Variants in TMED8 observed in about 807,000 individuals in gnomAD.
TMED8 encodes transmembrane p24 trafficking protein family member 8, also known as protein TMED8.
TMED8 carries 15 observed loss-of-function variants against 32.7 expected under a neutral mutation model. That is an observed-to-expected ratio of 0.46 (90% CI 0.31 to 0.71). The LOEUF is 0.71. Among genes scored for constraint, TMED8 ranks in the 30% least tolerant of loss-of-function variants. The pLI is 0.06. For synonymous variants in TMED8, 147 were observed against 161.4 expected (o/e 0.91, Z 0.68); for missense variants, 390 against 423.9 (o/e 0.92, Z 0.70).
rs935231616 is a variant in TMED8 at position 77,335,438 on chromosome 14, G to C, written c.*6333C>G. 1.3e-5 allele frequency: 2 copies of C among 152,212 alleles called. No individual in the cohort carries two copies. The highest frequency in any genetic ancestry group is 4.8e-5 in the African/African-American group (2 of 41,446). 9.4% of individuals were successfully genotyped at this position (152,212 alleles called of 1,614,324 possible). On this transcript the variant is annotated 3_prime_UTR_variant, in exon 6 of 6. Transcript: ENST00000216468. ...GACCCTTTTTGTAATGTCAGCAACA[G>C]TACATGATATAGAACAGTAAGAAAA...
intron 1 of TMED8, among the ~76,000 whole-genome samples, chr14:77,368,640 G>A (rs1893608335): frequency 6.6e-6 from 1 of 152,012 alleles, no homozygotes; most frequent in Non-Finnish European, 1.5e-5. Context: ...ACCACACCCA[G>A]CTAATTTTTG....
intron 3 of TMED8, among the ~76,000 whole-genome samples, chr14:77,346,097 C>T (rs1893024778): frequency 6.6e-6 from 1 of 151,676 alleles, no homozygotes; most frequent in Non-Finnish European, 1.5e-5. Flanking sequence ...TTTTAGAGAA[C>T]ACATGAACAT....
At chr14:77,350,113 C>T (rs893478818) in intron 2 of TMED8, among the ~76,000 whole-genome samples, 3 of 152,134 alleles carry the variant, frequency 2.0e-5, no homozygotes, top group African/African-American at 7.2e-5. Context: ...CTGTCCTTTT[C>T]TGTGTGGGGG....
chr14:77,361,820 G>GTC (rs1394541743), intron 1 of TMED8, among the ~76,000 whole-genome samples: 1 of 152,008 alleles, frequency 6.6e-6, no homozygotes, highest in East Asian at 1.9e-4. Context: ...TTGAGACAGG[G>GTC]TCTCTGTAAG....
chr14:77,376,086 T>C lies in TMED8; in HGVS notation c.118+850A>G, dbSNP rs1893808173. Among the ~76,000 whole-genome samples, 1 of 152,222 alleles carries C rather than the reference T, an allele frequency of 6.6e-6. No individual in the cohort carries two copies. Among genetic ancestry groups the C allele is most frequent in the African/African-American group, 2.4e-5 (1 of 41,456 alleles). On this transcript the variant is annotated intron_variant, in intron 1 of 5. Coordinates refer to ENST00000216468, the MANE Select transcript of TMED8 (RefSeq NM_213601.3). The surrounding 1 kb of genome is among the most constrained non-coding windows in gnomAD (Gnocchi z 4.0). ...GACAAGTTCTCTCCCCTCTACCCTTTCGTATTTCAAAAGAGCATCCTTTCA... is the reference window on the plus strand; with the variant it reads ...GACAAGTTCTCTCCCCTCTACCCTTCCGTATTTCAAAAGAGCATCCTTTCA...
rs1893053985 is a variant in TMED8 at position 77,346,767 on chromosome 14, T to TTTG, written c.198-290_198-289insCAA. 2.9e-5 allele frequency among the ~76,000 whole-genome samples: 4 copies of TTTG among 138,832 alleles called. No individual in the cohort carries two copies. In the South Asian group the frequency reaches 8.7e-4, roughly 30 times the overall value. The allele number at this position is 138,832 out of a possible 152,430, so 91.1% of individuals were successfully genotyped here. A position where few individuals can be genotyped will look rare whatever the true frequency, so the allele number is the denominator to read the frequency against. On this transcript the variant is annotated intron_variant, in intron 2 of 5. Coordinates refer to ENST00000216468, the MANE Select transcript of TMED8 (RefSeq NM_213601.3). ...AGATGGACTGCTGGTCTGGTTTTTT[T>TTTG]TTTTTTTTTTTTTTTTTGTCATTGT...
chr14:77,358,124 CAAAA>C (rs35361617), intron 1 of TMED8, among the ~76,000 whole-genome samples: 1 of 76,226 alleles, frequency 1.3e-5, no homozygotes. Flanking sequence ...GCTCTGTCTC[CAAAA>C]AAAAAAAAAA....
intron 1 of TMED8, among the ~76,000 whole-genome samples, chr14:77,370,137 A>C (rs1893643763): frequency 6.7e-6 from 1 of 149,422 alleles, no homozygotes; most frequent in African/African-American, 2.5e-5. Flanking sequence ...ACACCACTGC[A>C]CTCCAGTCAA....
rs766374589 is a variant in TMED8, at chr14:77,343,349, T to A, written c.589A>T (p.Thr197Ser). 1 of 1,613,964 alleles carries A rather than the reference T, an allele frequency of 6.2e-7. No homozygotes were observed. The highest frequency in any genetic ancestry group is 8.5e-7 in the Non-Finnish European group (1 of 1,179,994). The part of the protein sequence containing the change: ...RGEVVTIRVP[T>S]HPEGKRVCWE... Reference sequence around the variant, plus strand: ...CAGACACGCTTCCCCTCTGGATGAGTAGGTACCCGGATGGTCACCACCTCA... The same window carrying A: ...CAGACACGCTTCCCCTCTGGATGAGAAGGTACCCGGATGGTCACCACCTCA... Residue 197 changes from threonine (T) to serine (S), a missense_variant, in exon 5 of 6, where the codon ACT becomes TCT. By Grantham distance (58) the Thr-to-Ser change is moderately conservative (BLOSUM62 1). Coordinates refer to ENST00000216468, the MANE Select transcript of TMED8 (RefSeq NM_213601.3).
At chr14:77,346,292 A>G (rs1198533201) in intron 3 of TMED8, 57 bp downstream of exon 3, 7 of 1,588,806 alleles carry the variant, frequency 4.4e-6, no homozygotes, top group Admixed American at 1.8e-5. Flanking sequence ...CCCAACCACT[A>G]TGTGTCCACA....
At chr14:77,357,202 G>A (rs74063340) in intron 1 of TMED8, among the ~76,000 whole-genome samples, 1 of 152,048 alleles carries the variant, frequency 6.6e-6, no homozygotes, top group Non-Finnish European at 1.5e-5. Context: ...GTTCTTGCAA[G>A]AATATTCCAG....
intron 5 of TMED8, among the ~76,000 whole-genome samples, chr14:77,342,903 T>C (rs1045043319): frequency 2.0e-5 from 3 of 152,168 alleles, no homozygotes; most frequent in Admixed American, 6.5e-5. Flanking sequence ...GCCGCATGAC[T>C]CACCCTCTCT....
At chr14:77,349,105 C>CA (rs1893119603) in intron 2 of TMED8, among the ~76,000 whole-genome samples, 1 of 85,558 alleles carries the variant, frequency 1.2e-5, no homozygotes, top group Non-Finnish European at 2.3e-5. Context: ...ACTCTAAGGC[C>CA]CTTTTTTTTT....
intron 1 of TMED8, among the ~76,000 whole-genome samples, chr14:77,374,525 C>A (rs2139643169): frequency 6.6e-6 from 1 of 152,322 alleles, no homozygotes; most frequent in East Asian, 1.9e-4. Flanking sequence ...CATTGCCATG[C>A]CCTGGGGATA....
chr14:77,365,764 A>G (rs1405052484), intron 1 of TMED8, among the ~76,000 whole-genome samples: 2 of 152,210 alleles, frequency 1.3e-5, no homozygotes. Context: ...TCTAGCAGGA[A>G]AAAGTGTGTG....
intron 3 of TMED8, among the ~76,000 whole-genome samples, chr14:77,344,391 T>C (rs1016565530): frequency 3.3e-5 from 5 of 152,248 alleles, no homozygotes; most frequent in Non-Finnish European, 7.3e-5. Context: ...TGTCTCAGTC[T>C]TGAAGTCACT....
intron 1 of TMED8, chr14:77,359,828 C>A: frequency 5.3e-6 from 1 of 189,742 alleles, no homozygotes. Context: ...TCATCATGGG[C>A]ACTCTGACAG....
intron 2 of TMED8, among the ~76,000 whole-genome samples, chr14:77,351,225 G>A (rs910828707): frequency 6.8e-5 from 10 of 148,052 alleles, no homozygotes; most frequent in Non-Finnish European, 1.5e-4. Context: ...GGTGGCTCAC[G>A]CCTGTAATCC....
At chr14:77,346,287 C>G in intron 3 of TMED8, 62 bp downstream of exon 3, 1 of 1,571,776 alleles carries the variant, frequency 6.4e-7, no homozygotes, top group Non-Finnish European at 8.7e-7. Context: ...TCCAACCCAA[C>G]CACTATGTGT....
Sources: allele counts gnomAD v4.1 joint callset (sites outside exome capture counted in the v4.1 genomes callset), GRCh38; gene constraint gnomAD v4.1.1; non-coding constraint Gnocchi (gnomAD v3.1); transcripts MANE v1.5; gene names NCBI Gene and HGNC (gene_info 2026-07-23, HGNC 2026-07-21).